Variants in ERBB4 observed in about 807,000 individuals in gnomAD.
ERBB4 encodes erb-b2 receptor tyrosine kinase 4, also known as receptor tyrosine-protein kinase erbB-4.
Under a neutral mutation model 158.0 loss-of-function variants are expected in ERBB4, and 42 were observed. The ratio of observed to expected loss-of-function variants is 0.27; its 90% CI spans 0.21 to 0.34. ERBB4 has a LOEUF of 0.34. ERBB4 is among the 10% of genes least tolerant of loss of function. ERBB4 has a pLI of 1.00. For missense variants in ERBB4, 1,333 were observed against 1,624.1 expected, an observed-to-expected ratio of 0.82 and a Z score of 3.08; for synonymous variants, 583 against 558.7, an observed-to-expected ratio of 1.04 and a Z score of -0.61.
intron 1 of ERBB4, among the ~76,000 whole-genome samples, chr2:212,374,821 G>C (rs1439679569): frequency 2.6e-5 from 4 of 151,886 alleles, no homozygotes; most frequent in Non-Finnish European, 5.9e-5. Context: ...GATTTACTCT[G>C]TGGCACAATC....
chr2:212,109,982 CT>C (rs150492341), intron 2 of ERBB4, among the ~76,000 whole-genome samples: 8,121 of 152,166 alleles, frequency 0.053, 373 homozygotes, highest in South Asian at 0.23. Context: ...CTTCTGCCAG[CT>C]TTTGATACAT....
chr2:212,208,739 T>A (rs1298491789), intron 1 of ERBB4, among the ~76,000 whole-genome samples: 1 of 152,178 alleles, frequency 6.6e-6, no homozygotes, highest in Non-Finnish European at 1.5e-5. Context: ...ATAACAATTA[T>A]GTCAATTTAA....
chr2:211,947,192 A>C (rs369741014), intron 3 of ERBB4, among the ~76,000 whole-genome samples: 1 of 152,250 alleles, frequency 6.6e-6, no homozygotes, highest in African/African-American at 2.4e-5. Flanking sequence ...GCATTTCCAG[A>C]GTTTACTCCT....
At chr2:212,149,079 T>C (rs1487999710) in intron 1 of ERBB4, among the ~76,000 whole-genome samples, 1 of 146,036 alleles carries the variant, frequency 6.8e-6, no homozygotes, top group Non-Finnish European at 1.5e-5. Context: ...GACGAGTTAG[T>C]GGGTGCAGCA....
intron 3 of ERBB4, among the ~76,000 whole-genome samples, chr2:211,913,217 T>G (rs1168047154): frequency 1.3e-5 from 2 of 152,194 alleles, no homozygotes; most frequent in African/African-American, 4.8e-5. Context: ...CTCATGAAGC[T>G]GTTGTGAGGA....
chr2:211,542,316 A>C (rs1478544940), intron 20 of ERBB4, among the ~76,000 whole-genome samples: 1 of 151,990 alleles, frequency 6.6e-6, no homozygotes, highest in Non-Finnish European at 1.5e-5. Context: ...GTGAAGGAAA[A>C]CTATCTCTTA....
At chr2:211,419,776 A>G (rs561419211) in intron 25 of ERBB4, among the ~76,000 whole-genome samples, 2 of 152,230 alleles carry the variant, frequency 1.3e-5, no homozygotes, top group African/African-American at 4.8e-5. Flanking sequence ...TGAGGAATGA[A>G]TTTATAAAAA....
chr2:211,442,387 TATCCATCC>T (rs10593679), intron 20 of ERBB4, among the ~76,000 whole-genome samples: 20,389 of 151,012 alleles, frequency 0.14, 1,659 homozygotes, highest in South Asian at 0.35. Flanking sequence ...GACAGGTATC[TATCCATCC>T]ATCCATCCAT....
At chr2:212,312,786 G>T (rs2087106726) in intron 1 of ERBB4, among the ~76,000 whole-genome samples, 3 of 150,684 alleles carry the variant, frequency 2.0e-5, no homozygotes, top group Admixed American at 1.3e-4. Flanking sequence ...GCTTTATTTT[G>T]CTTCTCCTCC....
intron 10 of ERBB4, among the ~76,000 whole-genome samples, chr2:211,705,064 C>A (rs2073387930): frequency 6.6e-6 from 1 of 152,110 alleles, no homozygotes; most frequent in Non-Finnish European, 1.5e-5. Context: ...TCAAGCAATT[C>A]TCCTGCCTCA....
chr2:212,414,488 T>C (rs568648826), intron 1 of ERBB4, among the ~76,000 whole-genome samples: 1 of 152,194 alleles, frequency 6.6e-6, no homozygotes, highest in Admixed American at 6.5e-5. Flanking sequence ...GTAATAACTT[T>C]ATATGGCTCT....
intron 1 of ERBB4, among the ~76,000 whole-genome samples, chr2:212,537,609 C>T (rs1693164494): frequency 6.6e-6 from 1 of 152,094 alleles, no homozygotes; most frequent in Non-Finnish European, 1.5e-5. Context: ...CCCGCAGGCT[C>T]GGCAGCCTGG....
intron 2 of ERBB4, among the ~76,000 whole-genome samples, chr2:212,085,025 A>G (rs1559468641): frequency 6.6e-6 from 1 of 151,972 alleles, no homozygotes; most frequent in Non-Finnish European, 1.5e-5. Flanking sequence ...AGTAGATTGT[A>G]ATGCAAATAA....
chr2:212,469,193 T>C (rs1688992989), intron 1 of ERBB4, among the ~76,000 whole-genome samples: 1 of 152,184 alleles, frequency 6.6e-6, no homozygotes, highest in Admixed American at 6.5e-5. Flanking sequence ...ATCTGAATAA[T>C]CTGATTGCTA....
At chr2:212,147,607 G>A (rs1036845231) in intron 1 of ERBB4, among the ~76,000 whole-genome samples, 10 of 152,052 alleles carry the variant, frequency 6.6e-5, no homozygotes, top group Non-Finnish European at 1.3e-4. Flanking sequence ...AAAAATCTCT[G>A]TAAACATATG....
At chr2:211,634,591 C>T (rs2070286107) in intron 16 of ERBB4, among the ~76,000 whole-genome samples, 2 of 152,122 alleles carry the variant, frequency 1.3e-5, no homozygotes, top group African/African-American at 4.8e-5. Context: ...TAAGTTACTT[C>T]TTTAAATGGC....
chr2:211,887,896 C>A (rs962275553), intron 3 of ERBB4, among the ~76,000 whole-genome samples: 1 of 152,132 alleles, frequency 6.6e-6, no homozygotes, highest in Admixed American at 6.5e-5. Flanking sequence ...AAATGATTTT[C>A]AAATATCTTC....
At chr2:212,453,231 C>G (rs1228589229) in intron 1 of ERBB4, among the ~76,000 whole-genome samples, 7 of 152,156 alleles carry the variant, frequency 4.6e-5, no homozygotes, top group Admixed American at 4.6e-4. Flanking sequence ...CCCCTTACCC[C>G]CTCCGCATAT....
chr2:212,394,318 A>T (rs533293987), intron 1 of ERBB4, among the ~76,000 whole-genome samples: 73 of 152,290 alleles, frequency 4.8e-4, no homozygotes, highest in Middle Eastern at 6.8e-3. Context: ...CATCAAAAAT[A>T]TTAAATTTAC....
Sources: allele counts gnomAD v4.1 joint callset (sites outside exome capture counted in the v4.1 genomes callset), GRCh38; gene constraint gnomAD v4.1.1; transcripts MANE v1.5; gene names NCBI Gene and HGNC (gene_info 2026-07-23, HGNC 2026-07-21).